NXPH2: variants seen among roughly 807,000 people sequenced by gnomAD.
NXPH2 encodes neurexophilin-2.
Under a neutral mutation model 19.8 loss-of-function variants are expected in NXPH2, and 5 were observed. The ratio of observed to expected loss-of-function variants is 0.25; its 90% CI spans 0.13 to 0.53. The LOEUF (loss-of-function observed/expected upper bound fraction) is 0.53. Among genes scored for constraint, NXPH2 ranks in the 20% least tolerant of loss-of-function variants. The pLI is 0.96. For missense variants in NXPH2, 289 were observed against 322.8 expected (o/e 0.90, Z 0.80); for synonymous variants, 154 against 127.4 (o/e 1.21, Z -1.41).
chr2:138,777,130 A>G (rs1682275595), intron 1 of NXPH2, among the ~76,000 whole-genome samples: 1 of 151,966 alleles, frequency 6.6e-6, no homozygotes, highest in African/African-American at 2.4e-5. Flanking sequence ...AAAAAATCAC[A>G]CTTATTACCA....
At position 138,702,601 on chromosome 2, in the gene NXPH2, T is replaced by C. The variant is rs562150011; in HGVS notation, c.52-30936A>G. Among the ~76,000 whole-genome samples the C allele has an allele frequency of 3.4e-4, 36 of 106,326 alleles. 1 individual carries two copies. The South Asian group carries it at 0.011, about 32-fold the overall frequency. 69.8% of individuals were successfully genotyped at this position (106,326 alleles called of 152,430 possible). Reference sequence around the variant, plus strand: ...TCCCACCCTCCCAACCCCCACACAATAAGCTGCATAAATTAACTTGAAGAG... The same window carrying C: ...TCCCACCCTCCCAACCCCCACACAACAAGCTGCATAAATTAACTTGAAGAG... On this transcript the variant is annotated intron_variant, in intron 1 of 1. Coordinates refer to ENST00000272641, the MANE Select transcript of NXPH2 (RefSeq NM_007226.3).
intron 1 of NXPH2, among the ~76,000 whole-genome samples, chr2:138,700,689 A>C (rs1680907361): frequency 6.6e-6 from 1 of 151,960 alleles, no homozygotes; most frequent in Non-Finnish European, 1.5e-5. Context: ...GTCCAACTCT[A>C]TCAGACCAGC....
At position 138,701,140 on chromosome 2, in the gene NXPH2, T is replaced by C. The variant is rs370412465; in HGVS notation, c.52-29475A>G. Among the ~76,000 whole-genome samples the C allele has an allele frequency of 9.9e-5, 15 of 152,154 alleles. No homozygotes were observed. The East Asian group carries it at 2.1e-3, about 22-fold the overall frequency. On this transcript the variant is annotated intron_variant, in intron 1 of 1. Coordinates refer to ENST00000272641, the MANE Select transcript of NXPH2 (RefSeq NM_007226.3). ...GTTGTCAGGTTGGGAGGATCTTAACTGTGCAGTAGCTCGTGTAATTCTAGG... is the reference window on the plus strand; with the variant it reads ...GTTGTCAGGTTGGGAGGATCTTAACCGTGCAGTAGCTCGTGTAATTCTAGG...
intron 1 of NXPH2, among the ~76,000 whole-genome samples, chr2:138,679,682 G>A (rs1041738044): frequency 6.6e-6 from 1 of 152,198 alleles, no homozygotes; most frequent in African/African-American, 2.4e-5. Context: ...TTACAGGCGT[G>A]AGCCACTGCG....
chr2:138,755,989 A>C (rs567440633), intron 1 of NXPH2, among the ~76,000 whole-genome samples: 37 of 152,162 alleles, frequency 2.4e-4, no homozygotes, highest in South Asian at 8.3e-4. Context: ...ACTGGTATAC[A>C]GGAAACAAAT....
intron 1 of NXPH2, among the ~76,000 whole-genome samples, chr2:138,679,199 A>G (rs555011039): frequency 1.6e-4 from 25 of 152,314 alleles, no homozygotes; most frequent in Middle Eastern, 3.4e-3. Context: ...CTGGGGTTCA[A>G]CTTCCATTTA....
chr2:138,682,078 C>T (rs1350924104), intron 1 of NXPH2, among the ~76,000 whole-genome samples: 1 of 152,132 alleles, frequency 6.6e-6, no homozygotes, highest in Non-Finnish European at 1.5e-5. Context: ...ATTGCTTTGA[C>T]AGTACTGTCC....
intron 1 of NXPH2, among the ~76,000 whole-genome samples, chr2:138,736,941 G>A (rs879260300): frequency 5.5e-4 from 83 of 152,264 alleles, no homozygotes; most frequent in East Asian, 1.2e-3. Flanking sequence ...CTTGGCTCCA[G>A]TTCCCAACAA....
intron 1 of NXPH2, among the ~76,000 whole-genome samples, chr2:138,709,622 T>A (rs985700671): frequency 3.3e-5 from 5 of 152,172 alleles, no homozygotes; most frequent in Non-Finnish European, 7.4e-5. Flanking sequence ...TACCCACCAT[T>A]ATAGGAGCAT....
rs1682094608 is a variant in NXPH2 at position 138,766,435 on chromosome 2, CT to C, written c.51+13755del. 2.0e-5 allele frequency among the ~76,000 whole-genome samples: 3 copies of C among 152,068 alleles called. No homozygotes were observed. In the South Asian group the frequency reaches 6.2e-4, roughly 32 times the overall value. ...GGGGACATTTGTCAATGTCTGGAGA[CT>C]TTTTTTGGTTGTACAAGTGGGAGAA... On this transcript the variant is annotated intron_variant, in intron 1 of 1. Transcript: ENST00000272641.
chr2:138,728,523 A>G (rs1187098058), intron 1 of NXPH2, among the ~76,000 whole-genome samples: 5 of 152,224 alleles, frequency 3.3e-5, no homozygotes, highest in Non-Finnish European at 7.3e-5. Flanking sequence ...GACTTGTCAT[A>G]TAGAAAGATC....
intron 1 of NXPH2, among the ~76,000 whole-genome samples, chr2:138,757,533 G>A (rs569350593): frequency 3.5e-4 from 53 of 152,104 alleles, no homozygotes; most frequent in African/African-American, 1.2e-3. Context: ...GTTTCTGTCC[G>A]TCCTTGTGGC....
chr2:138,770,730 C>A (rs1682163340), intron 1 of NXPH2, among the ~76,000 whole-genome samples: 2 of 151,926 alleles, frequency 1.3e-5, no homozygotes, highest in Admixed American at 1.3e-4. Flanking sequence ...TCCATAACAA[C>A]CTAATAATGT....
Position 138,688,478 on chromosome 2 carries a change from G to A in NXPH2, c.52-16813C>T, listed in dbSNP as rs193081607. ...ATTACAGGTGTGAGCCACCATGCTC[G>A]GATGAGGCATCTTTTTTTAAAGTCT... On this transcript the variant is annotated intron_variant, in intron 1 of 1. Coordinates refer to ENST00000272641, the MANE Select transcript of NXPH2 (RefSeq NM_007226.3). Among the ~76,000 whole-genome samples the A allele has an allele frequency of 8.5e-5, 13 of 152,222 alleles. No homozygotes were observed. The East Asian group carries it at 1.7e-3, about 20-fold the overall frequency.
At position 138,726,342 on chromosome 2, in the gene NXPH2, C is replaced by T. The variant is rs966033687; in HGVS notation, c.51+53849G>A. On this transcript the variant is annotated intron_variant, in intron 1 of 1. Coordinates refer to ENST00000272641, the MANE Select transcript of NXPH2 (RefSeq NM_007226.3). Reference sequence around the variant, plus strand: ...TTACAGGCGTGAGCCACCAGGTCGGCCTGCCAACTTAGAGTTTAATTAATA... The same window carrying T: ...TTACAGGCGTGAGCCACCAGGTCGGTCTGCCAACTTAGAGTTTAATTAATA... 3.9e-5 allele frequency among the ~76,000 whole-genome samples: 6 copies of T among 152,064 alleles called. 1 individual carries two copies. The highest frequency in any genetic ancestry group is 3.9e-4 in the Admixed American group (6 of 15,242).
At chr2:138,684,817 T>A (rs551429953) in intron 1 of NXPH2, among the ~76,000 whole-genome samples, 1 of 152,216 alleles carries the variant, frequency 6.6e-6, no homozygotes, top group East Asian at 1.9e-4. Context: ...GCCCTCAGAG[T>A]CATGCTCCCT....
At chr2:138,687,521 GTTTC>G (rs1349193577) in intron 1 of NXPH2, among the ~76,000 whole-genome samples, 1 of 152,148 alleles carries the variant, frequency 6.6e-6, no homozygotes, top group Non-Finnish European at 1.5e-5. Flanking sequence ...TCTGATGGTA[GTTTC>G]TTTTGCTGTG....
intron 1 of NXPH2, among the ~76,000 whole-genome samples, chr2:138,698,390 A>G (rs2104980356): frequency 6.6e-6 from 1 of 152,352 alleles, no homozygotes; most frequent in Non-Finnish European, 1.5e-5. Flanking sequence ...CATATAGGTT[A>G]TGACTGGGCA....
intron 1 of NXPH2, among the ~76,000 whole-genome samples, chr2:138,711,839 T>C (rs1047730449): frequency 5.3e-5 from 8 of 152,214 alleles, no homozygotes; most frequent in Non-Finnish European, 8.8e-5. Context: ...CTACGTTTTG[T>C]TTAAGGATAG....
Sources: allele counts gnomAD v4.1 joint callset (sites outside exome capture counted in the v4.1 genomes callset), GRCh38; gene constraint gnomAD v4.1.1; transcripts MANE v1.5; gene names NCBI Gene and HGNC (gene_info 2026-07-23, HGNC 2026-07-21).